The following LY75 variants were observed in gnomAD, a reference collection of about 807,000 sequenced individuals.
The protein encoded by LY75 is lymphocyte antigen 75.
A neutral mutation model predicts 231.7 loss-of-function variants in LY75; 185 were observed. That is an observed-to-expected ratio of 0.80 (90% CI 0.71 to 0.90). The LOEUF is 0.90. Among genes scored for constraint, LY75 ranks in the 40% least tolerant of loss-of-function variants. The probability of loss-of-function intolerance (pLI) is 0.00; values close to 1 mark genes in which losing one functional copy is unlikely to be tolerated. For synonymous variants in LY75, 668 were observed against 689.0 expected, an observed-to-expected ratio of 0.97 and a Z score of 0.48; for missense variants, 1,947 against 2,050.2, an observed-to-expected ratio of 0.95 and a Z score of 0.97.
At position 159,904,753 on chromosome 2, in the gene LY75, G is replaced by A. The variant is rs867980309; in HGVS notation, c.-71C>T. On this transcript the variant is annotated 5_prime_UTR_variant, in exon 1 of 35. Transcript: ENST00000263636. ...GCTCCCGCCCCGCCTGCTGAGCGCG[G>A]CCTGCCCCGCCCGCACCTCTGTCTA... 7.6e-5 allele frequency: 100 copies of A among 1,319,666 alleles called. 1 individual carries two copies. The African/African-American group carries it at 1.2e-3, about 15-fold the overall frequency. 81.7% of individuals were successfully genotyped at this position (1,319,666 alleles called of 1,614,324 possible).
intron 3 of LY75, among the ~76,000 whole-genome samples, chr2:159,891,699 C>T (rs1192640305): frequency 1.3e-5 from 2 of 152,170 alleles, no homozygotes; most frequent in Non-Finnish European, 2.9e-5. Context: ...ACATTCCTGT[C>T]AAGGCAGCAA....
intron 12 of LY75, among the ~76,000 whole-genome samples, chr2:159,874,950 T>C (rs1315357799): frequency 7.1e-6 from 1 of 140,022 alleles, no homozygotes; most frequent in Non-Finnish European, 1.5e-5. Flanking sequence ...TGTAAATATA[T>C]TTATAAATAT....
Position 159,816,780 on chromosome 2 carries a change from T to C in LY75, c.4380+26A>G, listed in dbSNP as rs370620836. 5.6e-6 allele frequency: 9 copies of C among 1,607,866 alleles called. No homozygotes were observed. In the African/African-American group the frequency reaches 1.2e-4, roughly 22 times the overall value. ...CCCTCAAAATAACACATTTGAAAAG[T>C]TTCTGGAAAACGAAGCAAGACTTAC... On this transcript the variant is annotated intron_variant, in intron 30 of 34. Coordinates refer to ENST00000263636, the MANE Select transcript of LY75 (RefSeq NM_002349.4).
intron 1 of LY75, among the ~76,000 whole-genome samples, chr2:159,900,917 C>T (rs1431063462): frequency 6.6e-6 from 1 of 152,268 alleles, no homozygotes; most frequent in African/African-American, 2.4e-5. Context: ...CAGCTAACTG[C>T]AACCTCCGCC....
chr2:159,865,932 A>G (rs1684845101), intron 13 of LY75, among the ~76,000 whole-genome samples: 2 of 152,222 alleles, frequency 1.3e-5, no homozygotes, highest in South Asian at 4.1e-4. Flanking sequence ...TAGATGTAAT[A>G]TAAGCACAGA....
Position 159,808,430 on chromosome 2 carries a change from A to G in LY75, c.4822+19T>C. ...TTAGAACTCTCTTTGCACACTACAC[A>G]TACAATTATTTCACTTACCAACAGA... On this transcript the variant is annotated intron_variant, in intron 33 of 34. Transcript: ENST00000263636. 1 of 1,613,666 alleles carries G rather than the reference A, an allele frequency of 6.2e-7. No homozygotes were observed.
chr2:159,830,370 G>A (rs779397790), intron 28 of LY75, among the ~76,000 whole-genome samples: 2 of 151,928 alleles, frequency 1.3e-5, no homozygotes, highest in Non-Finnish European at 2.9e-5. Flanking sequence ...CTCTATGGCC[G>A]TGGAAAGGTT....
intron 23 of LY75, among the ~76,000 whole-genome samples, chr2:159,848,597 TTATGA>T (rs1293344101): frequency 2.0e-5 from 3 of 152,196 alleles, no homozygotes; most frequent in African/African-American, 7.2e-5. Flanking sequence ...AAGAAACTAC[TTATGA>T]TATAATACAA....
chr2:159,872,210 T>C, intron 13 of LY75: 1 of 376,602 alleles, frequency 2.7e-6, no homozygotes, highest in Non-Finnish European at 4.7e-6. Flanking sequence ...CTGCCATACA[T>C]TGCTGTTGGA....
chr2:159,838,007 T>C (rs912563594), intron 25 of LY75, among the ~76,000 whole-genome samples: 1 of 152,210 alleles, frequency 6.6e-6, no homozygotes, highest in South Asian at 2.1e-4. Context: ...ACCCACTGCA[T>C]GGCCACACTC....
intron 16 of LY75, among the ~76,000 whole-genome samples, chr2:159,857,358 A>G (rs1684577497): frequency 6.6e-6 from 1 of 152,200 alleles, no homozygotes; most frequent in South Asian, 2.1e-4. Context: ...CTTTAGTTTC[A>G]ATGATCTGTT....
chr2:159,884,228 C>G (rs1186290289), intron 6 of LY75, among the ~76,000 whole-genome samples: 3 of 152,174 alleles, frequency 2.0e-5, no homozygotes, highest in African/African-American at 7.2e-5. Flanking sequence ...ATTGTAAGGT[C>G]CATTAAACCT....
chr2:159,859,211 G>A (rs1029415978), intron 15 of LY75, among the ~76,000 whole-genome samples: 22 of 152,212 alleles, frequency 1.4e-4, no homozygotes, highest in Admixed American at 1.3e-4. Context: ...CTTCTCTGAA[G>A]TTTTCACCTT....
In LY75 at chr2:159,834,198, T is replaced by C; in HGVS notation, c.3687A>G (p.Lys1229=). 1 of 1,613,530 alleles carries C rather than the reference T, an allele frequency of 6.2e-7. No homozygotes were observed. Among genetic ancestry groups the C allele is most frequent in the Non-Finnish European group, 8.5e-7 (1 of 1,179,750 alleles). The change falls in exon 27 of 35, where the codon AAA becomes AAG. Residue 1229 remains lysine, a synonymous_variant. Coordinates refer to ENST00000263636, the MANE Select transcript of LY75 (RefSeq NM_002349.4). ...ICYYSGNETE[K]EVKPVDSVKC... is the part of the protein sequence containing the mutation. ...TAACACTGTCAACTGGTTTGACCTC[T>C]TTTTCAGTCTCATCTAGAAAAAGAG...
intron 31 of LY75, among the ~76,000 whole-genome samples, chr2:159,813,335 T>TG (rs1284876868): frequency 2.6e-5 from 4 of 151,880 alleles, no homozygotes; most frequent in Admixed American, 2.0e-4. Context: ...CTGTTTTGTT[T>TG]TTTTTTTTTT....
chr2:159,806,875 C>T, intron 34 of LY75, 98 bp downstream of exon 34: 1 of 1,432,278 alleles, frequency 7.0e-7, no homozygotes, highest in Non-Finnish European at 9.3e-7. Flanking sequence ...GGACTAAATA[C>T]TTCAAGACTA....
chr2:159,860,706 C>A, intron 15 of LY75, 115 bp downstream of exon 15: 2 of 1,246,908 alleles, frequency 1.6e-6, no homozygotes, highest in South Asian at 2.6e-5. Flanking sequence ...GCTTATCTCT[C>A]ACTGCATCTA....
chr2:159,864,325 C>G (rs1276129701), intron 14 of LY75, among the ~76,000 whole-genome samples: 1 of 152,104 alleles, frequency 6.6e-6, no homozygotes, highest in African/African-American at 2.4e-5. Context: ...AGACCAATGT[C>G]ATGGAGCTTT....
At chr2:159,853,220 C>G in intron 20 of LY75, 53 bp downstream of exon 20, 1 of 1,531,862 alleles carries the variant, frequency 6.5e-7, no homozygotes, top group Non-Finnish European at 8.9e-7. Flanking sequence ...GAAACTGAAC[C>G]TGAACTTCAC....
Sources: gnomAD v4.1 joint callset for allele counts (sites outside exome capture counted in the v4.1 genomes callset) on GRCh38, gnomAD v4.1.1 for gene constraint, MANE v1.5 for transcripts, NCBI Gene and HGNC (gene_info 2026-07-23, HGNC 2026-07-21) for gene names.